Variants in BTBD8 observed in about 807,000 individuals in gnomAD.
The protein encoded by BTBD8 is BTB/POZ domain-containing protein 8.
Under a neutral mutation model 162.9 loss-of-function variants are expected in BTBD8, and 110 were observed. The ratio of observed to expected loss-of-function variants is 0.68; its 90% CI spans 0.58 to 0.79. BTBD8 has a LOEUF of 0.79. Among genes scored for constraint, BTBD8 ranks in the 30% least tolerant of loss-of-function variants. The pLI is 0.00. For synonymous variants in BTBD8, 667 were observed against 716.1 expected, an observed-to-expected ratio of 0.93 and a Z score of 1.10; for missense variants, 1,905 against 2,085.4, an observed-to-expected ratio of 0.91 and a Z score of 1.68.
At chr1:92,174,202 A>G (rs1650636995) in intron 13 of BTBD8, among the ~76,000 whole-genome samples, 1 of 151,900 alleles carries the variant, frequency 6.6e-6, no homozygotes, top group African/African-American at 2.4e-5. Flanking sequence ...AATTTTTCCT[A>G]TTTTTTGAGA....
At chr1:92,161,443 C>T (rs185167957) in intron 9 of BTBD8, among the ~76,000 whole-genome samples, 1 of 152,224 alleles carries the variant, frequency 6.6e-6, no homozygotes, top group East Asian at 1.9e-4. Context: ...AATTTTTACC[C>T]TTCTTTGTCA....
At chr1:92,182,908 AAC>A (rs979342913) in intron 17 of BTBD8, among the ~76,000 whole-genome samples, 1 of 152,106 alleles carries the variant, frequency 6.6e-6, no homozygotes, top group African/African-American at 2.4e-5. Flanking sequence ...TGTATAATTT[AAC>A]ACAAGAATTC....
intron 9 of BTBD8, among the ~76,000 whole-genome samples, chr1:92,149,038 A>G (rs1649987724): frequency 6.6e-6 from 1 of 152,230 alleles, no homozygotes. Context: ...AACTATGAAC[A>G]GTGAAATACT....
At chr1:92,096,092 C>T (rs952132001) in intron 2 of BTBD8, among the ~76,000 whole-genome samples, 4 of 151,958 alleles carry the variant, frequency 2.6e-5, no homozygotes, top group Admixed American at 2.6e-4. Flanking sequence ...GTGCCTCAGT[C>T]TCACAAGTAG....
intron 12 of BTBD8, among the ~76,000 whole-genome samples, chr1:92,170,455 T>A (rs925779564): frequency 1.3e-5 from 2 of 152,114 alleles, no homozygotes; most frequent in Admixed American, 6.5e-5. Context: ...TAGTTTAATT[T>A]CTTCCTGTGT....
rs1456028041 is a variant in BTBD8 at position 92,147,244 on chromosome 1, A to C, written c.995A>C (p.Glu332Ala). The C allele has an allele frequency of 1.2e-6, 2 of 1,611,838 alleles. No individual in the cohort carries two copies. The highest frequency in any genetic ancestry group is 3.4e-5 in the Admixed American group (2 of 59,698). ...CLIIAHSVGVESLFADCMKWI... is the reference protein window; with the variant it reads ...CLIIAHSVGVASLFADCMKWI... ...ATTATTGCTCATTCAGTTGGAGTGG[A>C]AAGTCTTTTTGCTGACTGCATGAAG... Residue 332 changes from glutamate to alanine, a missense_variant, in exon 8 of 18, where the codon GAA (glutamate) becomes GCA (alanine). Physicochemically the swap from Glu to Ala is moderately radical, Grantham distance 107 (BLOSUM62 -1). Around this residue, in one of 3 missense-constraint regions of BTBD8, gnomAD observed 1,374 missense variants for 1,442.7 expected, o/e 0.95. Coordinates refer to ENST00000636805, the MANE Select transcript of BTBD8 (RefSeq NM_001376131.1).
At chr1:92,137,822 T>A (rs981482877) in intron 5 of BTBD8, among the ~76,000 whole-genome samples, 2 of 152,190 alleles carry the variant, frequency 1.3e-5, no homozygotes, top group Non-Finnish European at 2.9e-5. Context: ...TTATGTTTCG[T>A]ATACACTGTC....
chr1:92,166,734 T>C (rs959688219), intron 9 of BTBD8, among the ~76,000 whole-genome samples: 1 of 152,184 alleles, frequency 6.6e-6, no homozygotes, highest in African/African-American at 2.4e-5. Context: ...CTCTTTTAGC[T>C]ACCTTTTAAA....
At chr1:92,142,466 G>C (rs1157818147) in intron 7 of BTBD8, among the ~76,000 whole-genome samples, 1 of 152,176 alleles carries the variant, frequency 6.6e-6, no homozygotes, top group African/African-American at 2.4e-5. Flanking sequence ...GGAGAGCTTG[G>C]AGTATGTCTG....
Position 92,180,695 on chromosome 1 carries a change from C to T in BTBD8, c.3012C>T (p.Leu1004=). The T allele has an allele frequency of 6.4e-7, 1 of 1,551,514 alleles. No homozygotes were observed. The part of the protein sequence containing the change: ...LASEISDAEA[L]QSSCRPDPQK... ...CTGAAATAAGTGATGCAGAAGCACT[C>T]CAGTCATCCTGCAGGCCTGACCCAC... The change falls in exon 17 of 18, where the codon CTC becomes CTT. Residue 1004 remains leucine, a synonymous_variant. Transcript: ENST00000636805.
chr1:92,145,704 G>A (rs554199704), intron 7 of BTBD8, among the ~76,000 whole-genome samples: 3 of 152,208 alleles, frequency 2.0e-5, no homozygotes, highest in African/African-American at 7.2e-5. Flanking sequence ...TACGTAGGCC[G>A]GGTGTGGTGG....
intron 2 of BTBD8, among the ~76,000 whole-genome samples, chr1:92,093,420 G>T (rs1472022945): frequency 6.6e-6 from 1 of 152,056 alleles, no homozygotes; most frequent in Admixed American, 6.6e-5. Flanking sequence ...TCGAACTCCC[G>T]ACCTCAGGTG....
chr1:92,134,683 C>T (rs371199767), intron 5 of BTBD8, among the ~76,000 whole-genome samples: 22 of 152,184 alleles, frequency 1.4e-4, no homozygotes, highest in African/African-American at 5.1e-4. Context: ...TGCCCATGTC[C>T]TTCCACTAGA....
intron 1 of BTBD8, 152 bp downstream of exon 1, chr1:92,080,872 T>A: frequency 1.6e-5 from 20 of 1,238,544 alleles, no homozygotes; most frequent in Non-Finnish European, 2.0e-5. Flanking sequence ...GTCTCCCCAC[T>A]ATTCCGAAAA....
intron 13 of BTBD8, among the ~76,000 whole-genome samples, chr1:92,172,994 C>T (rs755729639): frequency 3.3e-5 from 5 of 152,140 alleles, no homozygotes; most frequent in Admixed American, 1.3e-4. Flanking sequence ...GGCATGATCT[C>T]GGCTCACCAC....
chr1:92,088,625 C>T, intron 1 of BTBD8, 73 bp from the exon 2 acceptor site: 2 of 1,204,136 alleles, frequency 1.7e-6, no homozygotes, highest in South Asian at 2.2e-5. Flanking sequence ...TTATTTTAAA[C>T]CTACTTTATA....
At chr1:92,121,159 T>G (rs1649197704) in intron 4 of BTBD8, among the ~76,000 whole-genome samples, 1 of 152,230 alleles carries the variant, frequency 6.6e-6, no homozygotes. Flanking sequence ...TTTTCTCCAT[T>G]CTTTTGTTAA....
chr1:92,088,702 C>G lies in BTBD8; in HGVS notation c.154C>G (p.Leu52Val). Residue 52 changes from leucine to valine, a missense_variant, in exon 2 of 18, where the codon CTA becomes GTA. Physicochemically the swap from Leu to Val is conservative, Grantham distance 32. This residue lies in a region of BTBD8 where 1,374 missense variants were observed against 1,442.7 expected (regional missense o/e 0.95). Coordinates refer to ENST00000636805, the MANE Select transcript of BTBD8 (RefSeq NM_001376131.1). ...EQLSQDLLRLLREEFHTDVTF... is the reference protein window; with the variant it reads ...EQLSQDLLRLVREEFHTDVTF... ...ATTCCTTTTTATTCCTTATAGGCTT[C>G]TAAGGGAAGAATTCCATACAGATGT... 2 of 1,586,166 alleles carry G rather than the reference C, an allele frequency of 1.3e-6. No individual in the cohort carries two copies. Among genetic ancestry groups the G allele is most frequent in the South Asian group, 1.2e-5 (1 of 84,738 alleles).
At chr1:92,096,408 A>G (rs1648452493) in intron 2 of BTBD8, among the ~76,000 whole-genome samples, 1 of 152,206 alleles carries the variant, frequency 6.6e-6, no homozygotes, top group Non-Finnish European at 1.5e-5. Flanking sequence ...TTGTATGTCA[A>G]AACCCCAAAT....
Sources: allele counts gnomAD v4.1 joint callset (sites outside exome capture counted in the v4.1 genomes callset), GRCh38; gene constraint gnomAD v4.1.1; regional missense constraint gnomAD v4.1.1; transcripts MANE v1.5; gene names NCBI Gene and HGNC (gene_info 2026-07-23, HGNC 2026-07-21).